The following TEX9 variants were observed in gnomAD, a reference collection of about 807,000 sequenced individuals.
TEX9 encodes the protein testis expressed 9.
Under a neutral mutation model 59.6 loss-of-function variants are expected in TEX9, and 74 were observed. The observed-to-expected ratio is 1.24, with a 90% CI of 1.03 to 1.51. The LOEUF (loss-of-function observed/expected upper bound fraction) is 1.51. TEX9 is among the 40% of genes most tolerant of loss of function. TEX9 has a pLI of 0.00. For missense variants in TEX9, 522 were observed against 447.8 expected, an observed-to-expected ratio of 1.17 and a Z score of -1.49; for synonymous variants, 186 against 152.2, an observed-to-expected ratio of 1.22 and a Z score of -1.64.
chr15:56,349,049 A>G (rs1354975183), intron 1 of TEX9, among the ~76,000 whole-genome samples: 3 of 152,046 alleles, frequency 2.0e-5, no homozygotes, highest in African/African-American at 4.8e-5. Flanking sequence ...CAATGTTTCC[A>G]TGAGTAGTTA....
chr15:56,376,583 C>T (rs192182621), intron 3 of TEX9, among the ~76,000 whole-genome samples: 4 of 152,092 alleles, frequency 2.6e-5, no homozygotes, highest in Non-Finnish European at 5.9e-5. Context: ...AGATCTTTTG[C>T]TCATTTTTAA....
At chr15:56,428,811 G>A (rs980996780) in intron 12 of TEX9, 1 of 359,476 alleles carries the variant, frequency 2.8e-6, no homozygotes, top group Non-Finnish European at 5.0e-6. Context: ...TTCACTTTGG[G>A]GTAGAGTTCT....
intron 7 of TEX9, among the ~76,000 whole-genome samples, chr15:56,393,020 G>C (rs1203579148): frequency 6.6e-6 from 1 of 152,160 alleles, no homozygotes; most frequent in Non-Finnish European, 1.5e-5. Context: ...TACTTTGTAA[G>C]ATTAAAGCTA....
chr15:56,403,638 G>A (rs562501907), intron 9 of TEX9, among the ~76,000 whole-genome samples: 63 of 152,282 alleles, frequency 4.1e-4, no homozygotes, highest in African/African-American at 1.4e-3. Context: ...CTACTTTAAA[G>A]TTCACGTGGA....
intron 1 of TEX9, among the ~76,000 whole-genome samples, chr15:56,357,875 T>A (rs1241948019): frequency 6.6e-6 from 1 of 152,182 alleles, no homozygotes; most frequent in Non-Finnish European, 1.5e-5. Context: ...AAAATTTTAA[T>A]ATCTGAATTT....
intron 1 of TEX9, among the ~76,000 whole-genome samples, chr15:56,278,802 C>T (rs1226059566): frequency 1.7e-5 from 2 of 114,416 alleles, no homozygotes; most frequent in African/African-American, 2.8e-5. Context: ...AAGAGATCCA[C>T]GTTTTTTTTT....
At chr15:56,375,320 GA>G (rs1375321763) in intron 3 of TEX9, among the ~76,000 whole-genome samples, 3 of 152,160 alleles carry the variant, frequency 2.0e-5, no homozygotes, top group Non-Finnish European at 2.9e-5. Flanking sequence ...CTTCTTTTGA[GA>G]AGTGTCTGTT....
intron 5 of TEX9, 151 bp downstream of exon 5, chr15:56,388,671 C>T (rs2048070277): frequency 1.8e-6 from 1 of 554,372 alleles, no homozygotes; most frequent in African/African-American, 1.9e-5. Context: ...TGTGAAGTGT[C>T]CCTCATAAAC....
intron 6 of TEX9, among the ~76,000 whole-genome samples, chr15:56,389,856 T>C (rs1208169810): frequency 2.0e-5 from 3 of 151,960 alleles, no homozygotes; most frequent in Admixed American, 6.6e-5. Context: ...TTTTGTTGTT[T>C]TGGGTGAGAA....
At chr15:56,302,373 T>C (rs538500531) in intron 1 of TEX9, among the ~76,000 whole-genome samples, 1 of 138,148 alleles carries the variant, frequency 7.2e-6, no homozygotes, top group East Asian at 2.3e-4. Flanking sequence ...GAACATAAAA[T>C]AGCTATGTGT....
chr15:56,430,858 G>A (rs1298727225), intron 12 of TEX9, among the ~76,000 whole-genome samples: 4 of 152,136 alleles, frequency 2.6e-5, no homozygotes, highest in Non-Finnish European at 5.9e-5. Flanking sequence ...ACACTAAAAG[G>A]GGAGAAAAGA....
intron 1 of TEX9, among the ~76,000 whole-genome samples, chr15:56,269,972 A>C (rs2044486639): frequency 6.6e-6 from 1 of 151,970 alleles, no homozygotes; most frequent in African/African-American, 2.4e-5. Context: ...GAGTTTCTTA[A>C]TCCTGAGTTC....
chr15:56,342,426 T>C (rs1940394904), intron 1 of TEX9, among the ~76,000 whole-genome samples: 1 of 152,158 alleles, frequency 6.6e-6, no homozygotes. Flanking sequence ...AGTTGTCCTT[T>C]CTATTGCCGC....
chr15:56,440,176 A>T (rs1596259183), intron 12 of TEX9, among the ~76,000 whole-genome samples: 1 of 152,212 alleles, frequency 6.6e-6, no homozygotes, highest in African/African-American at 2.4e-5. Context: ...AAAGATGTTC[A>T]GCATCATTAG....
the TEX9 span, among the ~76,000 whole-genome samples, chr15:56,451,684 G>C: frequency 6.6e-6 from 1 of 152,038 alleles, no homozygotes; most frequent in African/African-American, 2.4e-5. Flanking sequence ...ACTTTACAAT[G>C]GTGAGAAAAC....
intron 1 of TEX9, among the ~76,000 whole-genome samples, chr15:56,254,571 A>G (rs1375595673): frequency 6.6e-6 from 1 of 151,448 alleles, no homozygotes; most frequent in African/African-American, 2.4e-5. Context: ...TATAATCACA[A>G]GTTGACCCAC....
chr15:56,446,583 C>G (rs1465037017), downstream of TEX9, among the ~76,000 whole-genome samples: 1 of 151,944 alleles, frequency 6.6e-6, no homozygotes, highest in East Asian at 1.9e-4. Flanking sequence ...AGTGAATAAT[C>G]AGTTAGAGAC....
intron 1 of TEX9, among the ~76,000 whole-genome samples, chr15:56,333,713 T>C (rs1227044841): frequency 6.6e-6 from 1 of 152,080 alleles, no homozygotes; most frequent in Non-Finnish European, 1.5e-5. Context: ...GATATCCACA[T>C]TGGAAAGGAA....
intron 1 of TEX9, among the ~76,000 whole-genome samples, chr15:56,325,138 T>G (rs1347271966): frequency 6.6e-6 from 1 of 152,234 alleles, no homozygotes; most frequent in African/African-American, 2.4e-5. Flanking sequence ...TCTTTTTCTG[T>G]GTAGCATTGA....
Sources: allele counts gnomAD v4.1 joint callset (sites outside exome capture counted in the v4.1 genomes callset), GRCh38; gene constraint gnomAD v4.1.1; transcripts MANE v1.5; gene names NCBI Gene and HGNC (gene_info 2026-07-23, HGNC 2026-07-21).